Variants in COL4A2 observed in about 807,000 individuals in gnomAD.
The protein encoded by COL4A2 is collagen type IV alpha 2 chain.
A neutral mutation model predicts 200.2 loss-of-function variants in COL4A2; 99 were observed. The ratio of observed to expected loss-of-function variants is 0.49; its 90% CI spans 0.42 to 0.58. The LOEUF is 0.58. Among genes scored for constraint, COL4A2 ranks in the 20% least tolerant of loss-of-function variants. The pLI is 0.00. For missense variants in COL4A2, 1,950 were observed against 2,314.1 expected (o/e 0.84, Z 3.23); for synonymous variants, 897 against 900.6 (o/e 1.00, Z 0.07).
intron 20 of COL4A2, among the ~76,000 whole-genome samples, chr13:110,455,864 C>A (rs1050639909): frequency 6.6e-6 from 1 of 152,200 alleles, no homozygotes; most frequent in Non-Finnish European, 1.5e-5. Context: ...ACGGCCTCAT[C>A]CCCTGCTCCT....
chr13:110,320,416 T>A (rs1011177694), intron 3 of COL4A2, among the ~76,000 whole-genome samples: 2 of 152,246 alleles, frequency 1.3e-5, no homozygotes, highest in Admixed American at 6.5e-5. Flanking sequence ...TGGAATTTAA[T>A]GGTCTAGAAA....
intron 4 of COL4A2, among the ~76,000 whole-genome samples, chr13:110,360,717 A>G (rs974327608): frequency 2.0e-5 from 3 of 152,216 alleles, no homozygotes; most frequent in Non-Finnish European, 4.4e-5. Flanking sequence ...CGGGTTATCA[A>G]CACTGATCCA....
chr13:110,390,167 C>A (rs1248428560), intron 4 of COL4A2, among the ~76,000 whole-genome samples: 1 of 152,230 alleles, frequency 6.6e-6, no homozygotes, highest in Non-Finnish European at 1.5e-5. Context: ...AAGACACAAT[C>A]ACCCCACTCA....
At chr13:110,399,961 G>C (rs1052574347) in intron 4 of COL4A2, among the ~76,000 whole-genome samples, 5 of 152,192 alleles carry the variant, frequency 3.3e-5, no homozygotes, top group African/African-American at 1.2e-4. Context: ...ACAAGGCCAA[G>C]AGAATCTAAT....
At chr13:110,443,043 C>CA (rs1473883531) in intron 16 of COL4A2, among the ~76,000 whole-genome samples, 1 of 152,238 alleles carries the variant, frequency 6.6e-6, no homozygotes, top group African/African-American at 2.4e-5. Context: ...GACTTGGACT[C>CA]ACCAGATGCA....
At chr13:110,325,271 G>C (rs1360193841) in intron 3 of COL4A2, among the ~76,000 whole-genome samples, 2 of 152,148 alleles carry the variant, frequency 1.3e-5, no homozygotes, top group African/African-American at 2.4e-5. Context: ...GAGTTTACCC[G>C]AAGATTTTTT....
intron 3 of COL4A2, among the ~76,000 whole-genome samples, chr13:110,351,968 C>T (rs754431579): frequency 6.6e-6 from 1 of 152,150 alleles, no homozygotes; most frequent in Non-Finnish European, 1.5e-5. Context: ...AAAAGCGGCA[C>T]TAGATTGAAA....
At chr13:110,427,938 T>C (rs930735505) in intron 6 of COL4A2, among the ~76,000 whole-genome samples, 1 of 152,244 alleles carries the variant, frequency 6.6e-6, no homozygotes, top group South Asian at 2.1e-4. Flanking sequence ...CTTCTCTGTT[T>C]AGGATGTGGA....
chr13:110,363,510 G>A (rs1157938100), intron 4 of COL4A2, among the ~76,000 whole-genome samples: 1 of 152,124 alleles, frequency 6.6e-6, no homozygotes, highest in Non-Finnish European at 1.5e-5. Context: ...GAGTGCTCGG[G>A]GCGGGTTGGA....
chr13:110,453,738 A>C (rs577319187), intron 20 of COL4A2, among the ~76,000 whole-genome samples: 1 of 152,360 alleles, frequency 6.6e-6, no homozygotes, highest in East Asian at 1.9e-4. Flanking sequence ...CATCAGATCA[A>C]TGTTAGCAGC....
Position 110,467,663 on chromosome 13 carries a change from G to A in COL4A2, c.2095+567G>A, listed in dbSNP as rs571267071. Among the ~76,000 whole-genome samples the A allele has an allele frequency of 2.0e-5, 3 of 152,350 alleles. No homozygotes were observed. In the East Asian group the frequency reaches 5.8e-4, roughly 29 times the overall value. ...CGCCTGCGTGTCCAGTGTTGGCGGTGCAGGCCTGGCTGGCCACCACTGCCG... is the reference window on the plus strand; with the variant it reads ...CGCCTGCGTGTCCAGTGTTGGCGGTACAGGCCTGGCTGGCCACCACTGCCG... On this transcript the variant is annotated intron_variant, in intron 27 of 47. Transcript: ENST00000360467.
At chr13:110,466,258 A>G (rs541087518) in intron 26 of COL4A2, among the ~76,000 whole-genome samples, 196 bp downstream of exon 26, 1 of 152,308 alleles carries the variant, frequency 6.6e-6, no homozygotes, top group East Asian at 1.9e-4. Flanking sequence ...ACGGAGAGAC[A>G]TTTAACCAAA....
intron 10 of COL4A2, among the ~76,000 whole-genome samples, chr13:110,431,245 G>C (rs57509241): frequency 6.6e-6 from 1 of 152,140 alleles, no homozygotes. Flanking sequence ...CACAAGGAGC[G>C]ATTTGGGCTG....
intron 4 of COL4A2, among the ~76,000 whole-genome samples, chr13:110,413,125 C>A (rs35166119): frequency 0.045 from 6,900 of 152,248 alleles, 157 homozygotes; most frequent in Middle Eastern, 0.088. Flanking sequence ...TGACCCACTG[C>A]TGCTCGGCAT....
chr13:110,383,069 C>T (rs948150699), intron 4 of COL4A2, among the ~76,000 whole-genome samples: 4 of 152,192 alleles, frequency 2.6e-5, no homozygotes, highest in Non-Finnish European at 4.4e-5. Context: ...ACTCAACTAG[C>T]TCTTTTAAGC....
In COL4A2 at chr13:110,430,388, T is replaced by C. The variant is rs572328853; in HGVS notation, c.550-13T>C. On this transcript the variant is annotated splice_polypyrimidine_tract_variant and intron_variant, in intron 8 of 47. Coordinates refer to ENST00000360467, the MANE Select transcript of COL4A2 (RefSeq NM_001846.4). ...AAAAGCTATCACTCTTAAAATTATT[T>C]CTTCTCCATTAGGGTGAACCTGGAG... 2.4e-5 allele frequency: 39 copies of C among 1,607,004 alleles called. No homozygotes were observed. In the Admixed American group the frequency reaches 2.6e-4, roughly 11 times the overall value.
At chr13:110,438,811 C>A in intron 15 of COL4A2, 143 bp downstream of exon 15, 17 of 668,160 alleles carry the variant, frequency 2.5e-5, no homozygotes, top group African/African-American at 2.3e-4. Context: ...CACCCCCCCC[C>A]ACACACACAC....
intron 22 of COL4A2, 143 bp downstream of exon 22, chr13:110,459,077 AACCCAC>A: frequency 1.2e-6 from 1 of 801,858 alleles, no homozygotes; most frequent in Non-Finnish European, 1.8e-6. Context: ...CCATTCTAAA[AACCCAC>A]ATACCCCAAG....
Position 110,436,267 on chromosome 13 carries a change from A to C in COL4A2, c.727-2A>C, listed in dbSNP as rs745391010. 6.2e-7 allele frequency: 1 copy of C among 1,614,002 alleles called. No individual in the cohort carries two copies. The highest frequency in any genetic ancestry group is 8.5e-7 in the Non-Finnish European group (1 of 1,180,006). On this transcript the variant is annotated splice_acceptor_variant, in intron 12 of 47. Coordinates refer to ENST00000360467, the MANE Select transcript of COL4A2 (RefSeq NM_001846.4). LOFTEE classifies it high-confidence loss of function. Reference sequence around the variant, plus strand: ...CAACTGCTTTTGCTTAACAATATGCAGGGTGACGTAGGGCAGCCGGGACCC... The same window carrying C: ...CAACTGCTTTTGCTTAACAATATGCCGGGTGACGTAGGGCAGCCGGGACCC...
Sources: allele counts gnomAD v4.1 joint callset (sites outside exome capture counted in the v4.1 genomes callset), GRCh38; gene constraint gnomAD v4.1.1; transcripts MANE v1.5; gene names NCBI Gene and HGNC (gene_info 2026-07-23, HGNC 2026-07-21).